Variants in VGLL3 observed in about 807,000 individuals in gnomAD.
VGLL3 encodes the protein vestigial like family member 3.
In VGLL3, 18 loss-of-function variants were observed where a neutral mutation model predicts 29.2. The observed-to-expected ratio is 0.62, with a 90% CI of 0.43 to 0.91. The LOEUF is 0.91. VGLL3 is among the 40% of genes least tolerant of loss of function. VGLL3 has a pLI of 0.00. For synonymous variants in VGLL3, 180 were observed against 151.8 expected, an observed-to-expected ratio of 1.19 and a Z score of -1.36; for missense variants, 440 against 413.2, an observed-to-expected ratio of 1.06 and a Z score of -0.56.
intron 3 of VGLL3, among the ~76,000 whole-genome samples, chr3:86,966,773 G>GTATATATATATATA (rs55986686): frequency 5.3e-5 from 2 of 37,986 alleles, no homozygotes; most frequent in African/African-American, 9.1e-5. Flanking sequence ...GTGTGTGTGT[G>GTATATATATATATA]TATATATATA....
chr3:86,960,185 A>G (rs111579851), intron 3 of VGLL3, among the ~76,000 whole-genome samples: 104 of 152,138 alleles, frequency 6.8e-4, no homozygotes, highest in African/African-American at 2.5e-3. Context: ...TGAGAACTTA[A>G]ACCCATTAAA....
At position 86,969,002 on chromosome 3, in the gene VGLL3, G is replaced by C. The variant is rs760557256; in HGVS notation, c.525C>G (p.Pro175=). 8.1e-6 allele frequency: 13 copies of C among 1,614,156 alleles called. No homozygotes were observed. The highest frequency in any genetic ancestry group is 1.1e-5 in the Non-Finnish European group (13 of 1,180,030). The change falls in exon 3 of 4, where the codon CCC becomes CCG. Residue 175 remains proline, a synonymous_variant. Transcript: ENST00000398399. The stretch of plus-strand genomic sequence containing the variant: ...GATCAGCTGCAGAAAAGGTGCCAGG[G>C]GGTCCAGTGACCTGGAAGTCAGGAT... ...GVHPDFQVTG[P]PGTFSAADPS...
At chr3:86,953,706 T>G (rs1488008905) in intron 3 of VGLL3, among the ~76,000 whole-genome samples, 1 of 152,170 alleles carries the variant, frequency 6.6e-6, no homozygotes, top group Non-Finnish European at 1.5e-5. Context: ...CATTTATTCC[T>G]CTGTGTTTTA....
At chr3:86,949,812 G>A (rs2106962549) in intron 3 of VGLL3, among the ~76,000 whole-genome samples, 1 of 142,528 alleles carries the variant, frequency 7.0e-6, no homozygotes, top group South Asian at 2.2e-4. Context: ...GGGTGACAGA[G>A]CGAGACTCCA....
At chr3:86,974,973 G>C (rs148729902) in intron 2 of VGLL3, among the ~76,000 whole-genome samples, 1 of 152,114 alleles carries the variant, frequency 6.6e-6, no homozygotes, top group African/African-American at 2.4e-5. Context: ...AGAGAGAAAA[G>C]GCATCTGGCT....
intron 2 of VGLL3, among the ~76,000 whole-genome samples, chr3:86,973,361 C>G (rs1205768464): frequency 6.6e-6 from 1 of 152,146 alleles, no homozygotes; most frequent in African/African-American, 2.4e-5. Context: ...AAACAAAATT[C>G]TACTCAATTC....
intron 3 of VGLL3, among the ~76,000 whole-genome samples, chr3:86,951,684 G>A (rs1704620976): frequency 6.6e-6 from 1 of 152,100 alleles, no homozygotes; most frequent in Non-Finnish European, 1.5e-5. Context: ...AGCATGAACA[G>A]CCTAGAGACT....
At chr3:86,947,314 T>C (rs1284378698) in intron 3 of VGLL3, among the ~76,000 whole-genome samples, 1 of 152,174 alleles carries the variant, frequency 6.6e-6, no homozygotes, top group Non-Finnish European at 1.5e-5. Context: ...ACAATACAAA[T>C]TATTTGCTAT....
At chr3:86,989,001 G>C (rs1023707369) in intron 1 of VGLL3, among the ~76,000 whole-genome samples, 1 of 151,996 alleles carries the variant, frequency 6.6e-6, no homozygotes, top group Admixed American at 6.6e-5. Context: ...ATTATATAAA[G>C]TACTGGAGTC....
At position 86,938,318 on chromosome 3, in the gene VGLL3, T is replaced by C. The variant is rs1704319356; in HGVS notation, c.*8706A>G. The stretch of plus-strand genomic sequence containing the variant: ...CTGGACAGATTTTTCATGTAGCCAT[T>C]TTCTTTTGGAAACATAAAATACCAC... On this transcript the variant is annotated 3_prime_UTR_variant, in exon 4 of 4. Transcript: ENST00000398399. The C allele has an allele frequency of 6.6e-6, 1 of 152,486 alleles. No individual in the cohort carries two copies. Among genetic ancestry groups the C allele is most frequent in the African/African-American group, 2.4e-5 (1 of 41,456 alleles). 9.4% of individuals were successfully genotyped at this position (152,486 alleles called of 1,614,324 possible). A position where few individuals can be genotyped will look rare whatever the true frequency, so the allele number is the denominator to read the frequency against.
chr3:86,985,742 A>T (rs751262890), intron 1 of VGLL3, among the ~76,000 whole-genome samples: 2 of 152,170 alleles, frequency 1.3e-5, no homozygotes, highest in Non-Finnish European at 2.9e-5. Context: ...CAGAGCCTCA[A>T]ATTCAACTCT....
chr3:86,968,982 G>A lies in VGLL3; in HGVS notation c.545C>T (p.Ala182Val). 1.2e-6 allele frequency: 2 copies of A among 1,614,164 alleles called. No homozygotes were observed. Among genetic ancestry groups the A allele is most frequent in the South Asian group, 2.2e-5 (2 of 91,072 alleles). Reference protein sequence around the residue: ...VTGPPGTFSAADPSPWPGHNL... With the variant: ...VTGPPGTFSAVDPSPWPGHNL... ...GTGTCCCGGCCAAGGACTGGGATCAGCTGCAGAAAAGGTGCCAGGGGGTCC... is the reference window on the plus strand; with the variant it reads ...GTGTCCCGGCCAAGGACTGGGATCAACTGCAGAAAAGGTGCCAGGGGGTCC... The change falls in exon 3 of 4, where the codon GCT (alanine) becomes GTT (valine). Residue 182 changes from alanine (A) to valine (V), a missense_variant. Physicochemically the swap from Ala to Val is moderately conservative, Grantham distance 64. Coordinates refer to ENST00000398399, the MANE Select transcript of VGLL3 (RefSeq NM_016206.4).
chr3:86,938,564 C>T lies in VGLL3; in HGVS notation c.*8460G>A, dbSNP rs1187495420. 6.6e-6 allele frequency: 1 copy of T among 152,598 alleles called. No homozygotes were observed. Among genetic ancestry groups the T allele is most frequent in the African/African-American group, 2.4e-5 (1 of 41,460 alleles). The allele number at this position is 152,598 out of a possible 1,614,324, so 9.5% of individuals were successfully genotyped here. On this transcript the variant is annotated 3_prime_UTR_variant, in exon 4 of 4. Transcript: ENST00000398399. ...TCTTGTACAAGTGCAAAGCAAAGAT[C>T]AATGCTGATGTTCTTCATTCAGTCA...
intron 3 of VGLL3, chr3:86,962,332 C>T (rs757670986): frequency 1.0e-6 from 1 of 985,324 alleles, no homozygotes; most frequent in Non-Finnish European, 1.2e-6. Flanking sequence ...ATAAGGAGCC[C>T]TGGGTGCAAA....
intron 2 of VGLL3, among the ~76,000 whole-genome samples, chr3:86,976,294 C>T (rs1484514190): frequency 6.6e-6 from 1 of 152,156 alleles, no homozygotes; most frequent in African/African-American, 2.4e-5. Flanking sequence ...GATGAGTATT[C>T]TTATTTCCTT....
chr3:86,938,362 T>C lies in VGLL3; in HGVS notation c.*8662A>G, dbSNP rs1704320213. On this transcript the variant is annotated 3_prime_UTR_variant, in exon 4 of 4. Coordinates refer to ENST00000398399, the MANE Select transcript of VGLL3 (RefSeq NM_016206.4). ...ATACCACAAAACCATACATAGCTCA[T>C]TTGAAAAAGATTCTTAAGCTTTCAA... The C allele has an allele frequency of 6.6e-6, 1 of 152,644 alleles. No individual in the cohort carries two copies. Among genetic ancestry groups the C allele is most frequent in the African/African-American group, 2.4e-5 (1 of 41,458 alleles). The allele number at this position is 152,644 out of a possible 1,614,324, so 9.5% of individuals were successfully genotyped here. A position where few individuals can be genotyped will look rare whatever the true frequency, so the allele number is the denominator to read the frequency against.
At chr3:86,953,506 T>C (rs1289384355) in intron 3 of VGLL3, among the ~76,000 whole-genome samples, 1 of 152,204 alleles carries the variant, frequency 6.6e-6, no homozygotes, top group Non-Finnish European at 1.5e-5. Context: ...ATGTGTATAA[T>C]TGCTGAATCC....
chr3:86,956,664 A>C (rs1019810619), intron 3 of VGLL3, among the ~76,000 whole-genome samples: 1 of 152,036 alleles, frequency 6.6e-6, no homozygotes, highest in South Asian at 2.1e-4. Flanking sequence ...CGGCGCCTGT[A>C]GTCCCAGCTA....
intron 3 of VGLL3, among the ~76,000 whole-genome samples, chr3:86,948,123 A>C (rs2106958811): frequency 6.6e-6 from 1 of 152,272 alleles, no homozygotes. Flanking sequence ...TTGTACCTGA[A>C]GTATAATTGT....
Sources: gnomAD v4.1 joint callset for allele counts (sites outside exome capture counted in the v4.1 genomes callset) on GRCh38, gnomAD v4.1.1 for gene constraint, MANE v1.5 for transcripts, NCBI Gene and HGNC (gene_info 2026-07-23, HGNC 2026-07-21) for gene names.